Variants in GRSF1 observed in about 807,000 individuals in gnomAD.
GRSF1 encodes G-rich RNA sequence binding factor 1, also known as G-rich sequence factor 1.
In GRSF1, 50 loss-of-function variants were observed where a neutral mutation model predicts 51.1. That is an observed-to-expected ratio of 0.98 (90% CI 0.78 to 1.24). GRSF1 has a LOEUF of 1.24. GRSF1 is among the 50% of genes most tolerant of loss of function. The pLI is 0.00. For synonymous variants in GRSF1, 293 were observed against 253.3 expected (o/e 1.16, Z -1.49); for missense variants, 700 against 639.7 (o/e 1.09, Z -1.02).
At chr4:70,835,692 C>T (rs1476557672) in intron 2 of GRSF1, among the ~76,000 whole-genome samples, 5 of 152,074 alleles carry the variant, frequency 3.3e-5, no homozygotes, top group African/African-American at 4.8e-5. Flanking sequence ...CCGCCCGCCT[C>T]GGCCTCCCAA....
At chr4:70,841,788 A>C (rs1428491217), upstream of GRSF1, among the ~76,000 whole-genome samples, 1 of 152,250 alleles carries the variant, frequency 6.6e-6, no homozygotes, top group Non-Finnish European at 1.5e-5. Flanking sequence ...GCTTGGCTCT[A>C]TGAACCTGGA....
At chr4:70,830,845 G>A (rs1199113334) in intron 5 of GRSF1, among the ~76,000 whole-genome samples, 2 of 151,574 alleles carry the variant, frequency 1.3e-5, no homozygotes, top group East Asian at 3.9e-4. Flanking sequence ...GGCTATTTTT[G>A]GTATAATTGG....
In GRSF1 at chr4:70,839,737, G is replaced by A; in HGVS notation, c.91C>T (p.Pro31Ser). The A allele has an allele frequency of 2.7e-6, 4 of 1,503,096 alleles. No individual in the cohort carries two copies. The highest frequency in any genetic ancestry group is 3.5e-6 in the Non-Finnish European group (4 of 1,133,528). 93.1% of individuals were successfully genotyped at this position (1,503,096 alleles called of 1,614,324 possible). The change falls in exon 1 of 10, where the codon CCC (proline) becomes TCC (serine). Residue 31 changes from proline to serine, a missense_variant. By Grantham distance (74) the Pro-to-Ser change is moderately conservative. Coordinates refer to ENST00000254799, the MANE Select transcript of GRSF1 (RefSeq NM_002092.4). ...SCRRTGAACLPFYSAAGSIPS... is the reference protein window; with the variant it reads ...SCRRTGAACLSFYSAAGSIPS... Reference sequence around the variant, plus strand: ...ATAGAGCCAGCGGCGGAGTAGAAGGGCAGGCAGGCGGCGCCGGTGCGCCGG... The same window carrying A: ...ATAGAGCCAGCGGCGGAGTAGAAGGACAGGCAGGCGGCGCCGGTGCGCCGG...
intron 9 of GRSF1, among the ~76,000 whole-genome samples, chr4:70,821,426 A>AAAATAAAT (rs60193165): frequency 1.3e-4 from 19 of 150,120 alleles, no homozygotes; most frequent in East Asian, 2.0e-4. Flanking sequence ...TCCGTCTCAA[A>AAAATAAAT]AAATAAATAA....
intron 5 of GRSF1, among the ~76,000 whole-genome samples, chr4:70,830,428 G>T (rs1733913094): frequency 6.8e-6 from 1 of 146,038 alleles, no homozygotes. Flanking sequence ...CTGGGTGACA[G>T]AATAAGACCC....
chr4:70,832,515 A>G (rs1467470104), intron 3 of GRSF1, 65 bp from the exon 4 acceptor site: 2 of 910,188 alleles, frequency 2.2e-6, no homozygotes, highest in Non-Finnish European at 3.4e-6. Context: ...CCATTAAAAA[A>G]AATCATTACA....
upstream of GRSF1, among the ~76,000 whole-genome samples, chr4:70,841,281 C>G (rs1292208532): frequency 6.6e-6 from 1 of 152,116 alleles, no homozygotes; most frequent in Non-Finnish European, 1.5e-5. Context: ...GAAACCCTGT[C>G]TCTAAAAAAA....
chr4:70,830,967 C>A lies in GRSF1; in HGVS notation c.950+572G>T, dbSNP rs546567225. On this transcript the variant is annotated intron_variant, in intron 5 of 9. Coordinates refer to ENST00000254799, the MANE Select transcript of GRSF1 (RefSeq NM_002092.4). ...TTAAAAGATGCATACTAAAAAAAACCCAGATGAAGCAAATATAACAGATGT... is the reference window on the plus strand; with the variant it reads ...TTAAAAGATGCATACTAAAAAAAACACAGATGAAGCAAATATAACAGATGT... 2.2e-4 allele frequency among the ~76,000 whole-genome samples: 33 copies of A among 151,934 alleles called. 1 individual carries two copies. The highest frequency in any genetic ancestry group is 7.2e-4 in the Admixed American group (11 of 15,258).
At position 70,838,219 on chromosome 4, in the gene GRSF1, C is replaced by CAAAAAAA. The variant is rs35303311; in HGVS notation, c.357+1245_357+1251dup. ...GGGCGACAGAGCGAGACTCGGTCTC[C>CAAAAAAA]AAAAAAAAAAAAAAAAAAAGGCTTA... On this transcript the variant is annotated intron_variant, in intron 1 of 9. Transcript: ENST00000254799. Among the ~76,000 whole-genome samples the CAAAAAAA allele has an allele frequency of 3.7e-4, 35 of 94,596 alleles. 1 individual carries two copies. The highest frequency in any genetic ancestry group is 1.4e-3 in the African/African-American group (34 of 24,522). 62.1% of individuals were successfully genotyped at this position (94,596 alleles called of 152,430 possible).
At chr4:70,839,117 C>T in intron 1 of GRSF1, 1 of 1,299,236 alleles carries the variant, frequency 7.7e-7, no homozygotes, top group Non-Finnish European at 1.0e-6. Flanking sequence ...AACTTCACAA[C>T]CAGCCGGCGG....
Position 70,819,802 on chromosome 4 carries a change from A to G in GRSF1, c.*1085T>C, listed in dbSNP as rs557201085. 6.5e-6 allele frequency: 1 copy of G among 152,778 alleles called. No individual in the cohort carries two copies. Among genetic ancestry groups the G allele is most frequent in the East Asian group, 1.9e-4 (1 of 5,188 alleles). The allele number at this position is 152,778 out of a possible 1,614,324, so 9.5% of individuals were successfully genotyped here. A position where few individuals can be genotyped will look rare whatever the true frequency, so the allele number is the denominator to read the frequency against. On this transcript the variant is annotated 3_prime_UTR_variant, in exon 10 of 10. Coordinates refer to ENST00000254799, the MANE Select transcript of GRSF1 (RefSeq NM_002092.4). ...ACATAAAGTTAGTTTATTAATGACT[A>G]TATTTTGAAGCCAGCCATTTTGTCC...
chr4:70,820,886 T>C (rs1349355536), intron 9 of GRSF1, 25 bp from the exon 10 acceptor site: 1 of 152,546 alleles, frequency 6.6e-6, no homozygotes, highest in East Asian at 1.9e-4. Context: ...AAAAATATTG[T>C]ACATTTACTC....
At position 70,819,796 on chromosome 4, in the gene GRSF1, A is replaced by C. The variant is rs1733435701; in HGVS notation, c.*1091T>G. 6.6e-6 allele frequency: 1 copy of C among 152,650 alleles called. No individual in the cohort carries two copies. The highest frequency in any genetic ancestry group is 2.4e-5 in the African/African-American group (1 of 41,450). The allele number at this position is 152,650 out of a possible 1,614,324, so 9.5% of individuals were successfully genotyped here. A position where few individuals can be genotyped will look rare whatever the true frequency, so the allele number is the denominator to read the frequency against. ...AGGTGCACATAAAGTTAGTTTATTA[A>C]TGACTATATTTTGAAGCCAGCCATT... On this transcript the variant is annotated 3_prime_UTR_variant, in exon 10 of 10. Coordinates refer to ENST00000254799, the MANE Select transcript of GRSF1 (RefSeq NM_002092.4).
rs181172403 is a variant in GRSF1 at position 70,821,198 on chromosome 4, G to A, written c.*26-337C>T. Among the ~76,000 whole-genome samples, 8 of 152,238 alleles carry A rather than the reference G, an allele frequency of 5.3e-5. No individual in the cohort carries two copies. The East Asian group carries it at 5.8e-4, about 11-fold the overall frequency. On this transcript the variant is annotated intron_variant, in intron 9 of 9. Coordinates refer to ENST00000254799, the MANE Select transcript of GRSF1 (RefSeq NM_002092.4). ...TCCCAGCACTTTGGGAGGTTGAGGCGGGCAGATCAGCTGAGGTCAGGAGTT... is the reference window on the plus strand; with the variant it reads ...TCCCAGCACTTTGGGAGGTTGAGGCAGGCAGATCAGCTGAGGTCAGGAGTT...
upstream of GRSF1, among the ~76,000 whole-genome samples, chr4:70,842,076 C>T (rs1734471199): frequency 6.6e-6 from 1 of 152,212 alleles, no homozygotes; most frequent in South Asian, 2.1e-4. Flanking sequence ...GAGGTCCCCA[C>T]ATCCTCTGGC....
intron 9 of GRSF1, among the ~76,000 whole-genome samples, chr4:70,823,451 A>G (rs923985291): frequency 1.4e-5 from 2 of 146,482 alleles, no homozygotes; most frequent in Admixed American, 7.2e-5. Context: ...AAAAAATATC[A>G]TAATTAATTC....
At chr4:70,827,467 T>G (rs1054750623) in intron 6 of GRSF1, among the ~76,000 whole-genome samples, 1 of 152,176 alleles carries the variant, frequency 6.6e-6, no homozygotes, top group African/African-American at 2.4e-5. Context: ...CCTTTCTGCA[T>G]ATACTCAAAG....
In GRSF1 at chr4:70,818,625, GACC is replaced by G. The variant is rs1733395343; in HGVS notation, c.*2259_*2261del. The G allele has an allele frequency of 2.0e-5, 3 of 152,142 alleles. No homozygotes were observed. Among genetic ancestry groups the G allele is most frequent in the East Asian group, 1.9e-4 (1 of 5,190 alleles). 9.4% of individuals were successfully genotyped at this position (152,142 alleles called of 1,614,324 possible). On this transcript the variant is annotated 3_prime_UTR_variant, in exon 10 of 10. Transcript: ENST00000254799. ...AGATGAGACCACAATATTCAGATGA[GACC>G]ACAATATTCAGCAATCAGCTCCCTG...
upstream of GRSF1, among the ~76,000 whole-genome samples, chr4:70,842,127 A>G (rs540164005): frequency 8.5e-5 from 13 of 152,068 alleles, no homozygotes; most frequent in East Asian, 2.3e-3. Flanking sequence ...AGCAGCCCTC[A>G]CCTCCCTTTG....
Sources: allele counts gnomAD v4.1 joint callset (sites outside exome capture counted in the v4.1 genomes callset), GRCh38; gene constraint gnomAD v4.1.1; transcripts MANE v1.5; gene names NCBI Gene and HGNC (gene_info 2026-07-23, HGNC 2026-07-21).